SYTL3: variants seen among roughly 807,000 people sequenced by gnomAD.
SYTL3 encodes the protein synaptotagmin like 3.
A neutral mutation model predicts 82.1 loss-of-function variants in SYTL3; 88 were observed. The ratio of observed to expected loss-of-function variants is 1.07; its 90% CI spans 0.90 to 1.28. The LOEUF (loss-of-function observed/expected upper bound fraction) is 1.28, where lower values mean the gene tolerates loss of function less well. Ranked by LOEUF, SYTL3 falls within the 50% of genes most tolerant of loss-of-function variation. The pLI is 0.00. For missense variants in SYTL3, 831 were observed against 757.6 expected (o/e 1.10, Z -1.14); for synonymous variants, 311 against 289.4 (o/e 1.07, Z -0.76).
chr6:158,735,933 ACT>A (rs1200918750), intron 11 of SYTL3, among the ~76,000 whole-genome samples: 2 of 152,184 alleles, frequency 1.3e-5, no homozygotes, highest in Admixed American at 1.3e-4. Context: ...CTTTAGTTGA[ACT>A]CTCTTTAGTT....
chr6:158,673,760 G>A (rs542273667), intron 5 of SYTL3, among the ~76,000 whole-genome samples: 12 of 150,790 alleles, frequency 8.0e-5, no homozygotes, highest in African/African-American at 2.4e-4. Flanking sequence ...GAAGGCATAA[G>A]TTGGCTTCCT....
chr6:158,676,109 C>T (rs1262765925), intron 5 of SYTL3, among the ~76,000 whole-genome samples: 1 of 152,116 alleles, frequency 6.6e-6, no homozygotes, highest in African/African-American at 2.4e-5. Context: ...CAATCCTAAG[C>T]CAAAAGAACA....
intron 17 of SYTL3, among the ~76,000 whole-genome samples, 154 bp from the exon 18 acceptor site, chr6:158,764,341 G>A (rs1790465621): frequency 1.3e-5 from 2 of 152,190 alleles, no homozygotes; most frequent in South Asian, 4.1e-4. Context: ...TTGTTGGGGT[G>A]GGAGTGGTGG....
At chr6:158,736,788 CAAAAA>C (rs56148264) in intron 11 of SYTL3, among the ~76,000 whole-genome samples, 13 of 62,666 alleles carry the variant, frequency 2.1e-4, no homozygotes, top group African/African-American at 5.6e-4. Flanking sequence ...GACTCTGTCT[CAAAAA>C]AAAAAAAAAA....
intron 6 of SYTL3, among the ~76,000 whole-genome samples, chr6:158,702,341 A>T (rs1781406334): frequency 1.3e-5 from 2 of 151,188 alleles, no homozygotes; most frequent in Admixed American, 1.3e-4. Flanking sequence ...AAAAAAAAAA[A>T]AAAAATTTTT....
At chr6:158,715,953 C>CT (rs1469825252) in intron 9 of SYTL3, among the ~76,000 whole-genome samples, 1 of 152,168 alleles carries the variant, frequency 6.6e-6, no homozygotes, top group African/African-American at 2.4e-5. Flanking sequence ...AGATTGGCAC[C>CT]TGAGGTCCTC....
At chr6:158,653,556 G>C (rs1788304547) in intron 2 of SYTL3, among the ~76,000 whole-genome samples, 1 of 152,078 alleles carries the variant, frequency 6.6e-6, no homozygotes, top group Non-Finnish European at 1.5e-5. Context: ...GAGGTTTTCA[G>C]GTAAAATTTC....
rs958210140 is a variant in SYTL3, at chr6:158,663,559, G to A, written c.110+181G>A. 59 of 985,180 alleles carry A rather than the reference G, an allele frequency of 6.0e-5. No homozygotes were observed. The African/African-American group carries it at 6.1e-4, about 10-fold the overall frequency. 61.0% of individuals were successfully genotyped at this position (985,180 alleles called of 1,614,324 possible). A position where few individuals can be genotyped will look rare whatever the true frequency, so the allele number is the denominator to read the frequency against. On this transcript the variant is annotated intron_variant, in intron 4 of 17. Transcript: ENST00000611299. ...GATGATCCTCCTTATGTAACTAAACGTAGAGGACGCTCAGGAGGAGGAGGG... is the reference window on the plus strand; with the variant it reads ...GATGATCCTCCTTATGTAACTAAACATAGAGGACGCTCAGGAGGAGGAGGG...
intron 13 of SYTL3, among the ~76,000 whole-genome samples, chr6:158,755,585 G>A (rs1020599073): frequency 3.3e-5 from 5 of 152,196 alleles, no homozygotes; most frequent in East Asian, 1.9e-4. Context: ...AGCAGGGGAC[G>A]GCCCTGCTGC....
intron 11 of SYTL3, among the ~76,000 whole-genome samples, chr6:158,734,627 C>G (rs529655524): frequency 6.6e-6 from 1 of 152,254 alleles, no homozygotes; most frequent in Admixed American, 6.5e-5. Context: ...GCCACCTTCT[C>G]AGGGAGCTCC....
Position 158,762,186 on chromosome 6 carries a change from T to C in SYTL3, c.1517+8T>C. On this transcript the variant is annotated splice_region_variant and intron_variant, in intron 16 of 17. Transcript: ENST00000611299. The stretch of plus-strand genomic sequence containing the variant: ...GAACTCATTTGTTAAGGGGTAGGTA[T>C]TCGATGTAATCAAATATTTATTGGT... 1 of 1,593,666 alleles carries C rather than the reference T, an allele frequency of 6.3e-7. No homozygotes were observed.
chr6:158,694,400 A>G (rs1394526159), intron 6 of SYTL3, among the ~76,000 whole-genome samples: 2 of 151,788 alleles, frequency 1.3e-5, no homozygotes, highest in Non-Finnish European at 2.9e-5. Flanking sequence ...GGATCAAGCA[A>G]TCCTCCCTCT....
rs537789060 is a variant in SYTL3 at position 158,736,679 on chromosome 6, T to A, written c.856-8801T>A. 2.4e-4 allele frequency among the ~76,000 whole-genome samples: 36 copies of A among 151,562 alleles called. 1 individual carries two copies. The highest frequency in any genetic ancestry group is 2.3e-3 in the East Asian group (12 of 5,140). On this transcript the variant is annotated intron_variant, in intron 11 of 17. Transcript: ENST00000611299. Reference sequence around the variant, plus strand: ...GGCAGGTGCCTGTAATCCCACCTACTTGGGAGGCTGAGGCAGGAGAAATGC... The same window carrying A: ...GGCAGGTGCCTGTAATCCCACCTACATGGGAGGCTGAGGCAGGAGAAATGC...
At chr6:158,648,208 G>A (rs376741685), upstream of SYTL3, among the ~76,000 whole-genome samples, 4 of 152,074 alleles carry the variant, frequency 2.6e-5, no homozygotes, top group African/African-American at 7.2e-5. Context: ...CAGGAGAATC[G>A]CTTGAACCCA....
chr6:158,684,904 G>C (rs1264820328), intron 6 of SYTL3, among the ~76,000 whole-genome samples: 1 of 151,448 alleles, frequency 6.6e-6, no homozygotes, highest in Non-Finnish European at 1.5e-5. Context: ...ATGGAATGAA[G>C]CAGGGTTGCT....
At chr6:158,713,109 T>C (rs1782945514) in intron 8 of SYTL3, among the ~76,000 whole-genome samples, 1 of 152,178 alleles carries the variant, frequency 6.6e-6, no homozygotes, top group Non-Finnish European at 1.5e-5. Context: ...AATCCTGCTC[T>C]ACTTTCTCCT....
At chr6:158,682,848 C>A in intron 5 of SYTL3, 77 bp from the exon 6 acceptor site, 1 of 1,126,610 alleles carries the variant, frequency 8.9e-7, no homozygotes, top group East Asian at 2.4e-5. Flanking sequence ...GTGACCTTAC[C>A]TAACCCTTAA....
chr6:158,711,560 G>C (rs1782769382), intron 8 of SYTL3, among the ~76,000 whole-genome samples: 1 of 152,188 alleles, frequency 6.6e-6, no homozygotes, highest in African/African-American at 2.4e-5. Context: ...CAGACCCCAA[G>C]AAACGGTTCT....
chr6:158,644,957 G>A, the SYTL3 span, among the ~76,000 whole-genome samples: 1 of 152,374 alleles, frequency 6.6e-6, no homozygotes, highest in South Asian at 2.1e-4. Flanking sequence ...GAATCCGTGA[G>A]GGTAGCCGGG....
Sources: gnomAD v4.1 joint callset for allele counts (sites outside exome capture counted in the v4.1 genomes callset) on GRCh38, gnomAD v4.1.1 for gene constraint, MANE v1.5 for transcripts, NCBI Gene and HGNC (gene_info 2026-07-23, HGNC 2026-07-21) for gene names.